The following ATXN8OS variants were observed in gnomAD, a reference collection of about 807,000 sequenced individuals.
ATXN8OS encodes the protein ATXN8 opposite strand (non-protein coding).
At chr13:70,143,552 G>A (rs916037429) in intron 3 of ATXN8OS, among the ~76,000 whole-genome samples, 7 of 152,134 alleles carry the variant, frequency 4.6e-5, no homozygotes, top group African/African-American at 7.2e-5. Context: ...TCATGAATAA[G>A]TGAGGCTGAT....
At chr13:70,126,115 A>G (rs889313862) in intron 2 of ATXN8OS, among the ~76,000 whole-genome samples, 6 of 152,158 alleles carry the variant, frequency 3.9e-5, no homozygotes, top group African/African-American at 1.4e-4. Context: ...AGTGTCCCCA[A>G]TTCCGCAATT....
intron 1 of ATXN8OS, among the ~76,000 whole-genome samples, chr13:70,108,687 T>C (rs542021113): frequency 6.6e-6 from 1 of 152,358 alleles, no homozygotes; most frequent in African/African-American, 2.4e-5. Context: ...GGCATTATGC[T>C]TTTGCATCAG....
chr13:70,159,647 G>A (rs1262736187), intron 4 of ATXN8OS, among the ~76,000 whole-genome samples: 1 of 152,074 alleles, frequency 6.6e-6, no homozygotes, highest in African/African-American at 2.4e-5. Flanking sequence ...AGAATACAGA[G>A]CAATTCTATA....
In ATXN8OS at chr13:70,165,898, C is replaced by A. The variant is rs866315816; in HGVS notation, n.574-3855C>A. Reference sequence around the variant, plus strand: ...ATAATACAATGAATAATGGTGTCTGCAGTAACAGCACAGAAAGTAAAATAA... The same window carrying A: ...ATAATACAATGAATAATGGTGTCTGAAGTAACAGCACAGAAAGTAAAATAA... On this transcript the variant is annotated intron_variant and non_coding_transcript_variant, in intron 4 of 4. Coordinates refer to ENST00000678624, the Ensembl canonical transcript of ATXN8OS. Among the ~76,000 whole-genome samples, 17 of 152,010 alleles carry A rather than the reference C, an allele frequency of 1.1e-4. 1 individual carries two copies. Among genetic ancestry groups the A allele is most frequent in the Middle Eastern group, 3.4e-3 (1 of 292 alleles).
chr13:70,168,216 G>A (rs1889101273), intron 4 of ATXN8OS, among the ~76,000 whole-genome samples: 1 of 151,972 alleles, frequency 6.6e-6, no homozygotes, highest in African/African-American at 2.4e-5. Flanking sequence ...AAAAATAAAT[G>A]GACACATAAT....
intron 4 of ATXN8OS, among the ~76,000 whole-genome samples, chr13:70,167,519 G>A (rs113139562): frequency 6.0e-4 from 91 of 151,924 alleles, no homozygotes; most frequent in African/African-American, 2.2e-3. Context: ...GTGGTGTGGG[G>A]GGAGGGAGGA....
intron 4 of ATXN8OS, among the ~76,000 whole-genome samples, chr13:70,159,758 C>T (rs988081373): frequency 2.0e-5 from 3 of 152,160 alleles, no homozygotes; most frequent in Non-Finnish European, 4.4e-5. Context: ...TGTAGTTTTA[C>T]CTTTTCCAGA....
chr13:70,154,569 G>T (rs1888913501), intron 4 of ATXN8OS, among the ~76,000 whole-genome samples: 1 of 152,110 alleles, frequency 6.6e-6, no homozygotes, highest in Non-Finnish European at 1.5e-5. Flanking sequence ...AAATTTAAAA[G>T]AAAGTGAAAT....
chr13:70,118,759 T>G (rs1355683151), intron 2 of ATXN8OS, among the ~76,000 whole-genome samples: 1 of 152,056 alleles, frequency 6.6e-6, no homozygotes, highest in East Asian at 1.9e-4. Flanking sequence ...GAAACTAAAA[T>G]TGGCACTTAT....
intron 2 of ATXN8OS, among the ~76,000 whole-genome samples, chr13:70,116,752 G>T (rs1348205903): frequency 1.3e-5 from 2 of 152,080 alleles, no homozygotes; most frequent in African/African-American, 2.4e-5. Context: ...GTAGAGAAAA[G>T]AAAAACAATG....
intron 1 of ATXN8OS, among the ~76,000 whole-genome samples, chr13:70,109,722 C>G (rs1222142942): frequency 6.6e-6 from 1 of 151,940 alleles, no homozygotes; most frequent in Non-Finnish European, 1.5e-5. Context: ...AGCAAAAAAC[C>G]CTTTAAAGCC....
intron 1 of ATXN8OS, among the ~76,000 whole-genome samples, chr13:70,113,281 A>C (rs1033664760): frequency 1.8e-4 from 27 of 151,516 alleles, no homozygotes; most frequent in African/African-American, 6.3e-4. Context: ...GATTGAAAAC[A>C]AATATATGTA....
intron 2 of ATXN8OS, among the ~76,000 whole-genome samples, chr13:70,126,712 T>C (rs185434130): frequency 8.6e-4 from 130 of 151,904 alleles, no homozygotes; most frequent in African/African-American, 2.7e-3. Context: ...GATAGATATG[T>C]ACAGTTTACA....
chr13:70,155,236 A>G (rs1334061676), intron 4 of ATXN8OS, among the ~76,000 whole-genome samples: 2 of 152,166 alleles, frequency 1.3e-5, no homozygotes, highest in East Asian at 3.9e-4. Flanking sequence ...CCTTGATACA[A>G]ACATGTTCCT....
At chr13:70,156,489 A>G (rs1888938012) in intron 4 of ATXN8OS, among the ~76,000 whole-genome samples, 1 of 152,142 alleles carries the variant, frequency 6.6e-6, no homozygotes, top group Non-Finnish European at 1.5e-5. Context: ...ATATTTTATG[A>G]TAATTTCTAC....
intron 4 of ATXN8OS, among the ~76,000 whole-genome samples, chr13:70,166,075 C>G (rs1337332354): frequency 6.6e-6 from 1 of 151,996 alleles, no homozygotes; most frequent in Non-Finnish European, 1.5e-5. Context: ...AATCTCTCAT[C>G]ATAATTAATG....
chr13:70,121,974 T>C (rs1381480308), intron 2 of ATXN8OS, among the ~76,000 whole-genome samples: 1 of 152,042 alleles, frequency 6.6e-6, no homozygotes, highest in Non-Finnish European at 1.5e-5. Context: ...ATTTTTAGAT[T>C]ATTAATCTAA....
intron 2 of ATXN8OS, among the ~76,000 whole-genome samples, chr13:70,118,108 A>G (rs1367598638): frequency 1.3e-5 from 2 of 152,104 alleles, no homozygotes; most frequent in East Asian, 1.9e-4. Context: ...GGGATATTCT[A>G]AAATCATTTC....
At chr13:70,137,326 T>C (rs1888632283) in intron 3 of ATXN8OS, among the ~76,000 whole-genome samples, 1 of 152,188 alleles carries the variant, frequency 6.6e-6, no homozygotes, top group African/African-American at 2.4e-5. Flanking sequence ...CTAGATTTTG[T>C]AGCAAAAGCA....
Sources: gnomAD v4.1 joint callset for allele counts (sites outside exome capture counted in the v4.1 genomes callset) on GRCh38, gnomAD v4.1.1 for gene constraint, MANE v1.5 for transcripts, NCBI Gene and HGNC (gene_info 2026-07-23, HGNC 2026-07-21) for gene names.